The following CSTPP1 variants were observed in gnomAD, a reference collection of about 807,000 sequenced individuals.
The protein encoded by CSTPP1 is UPF0705 protein C11orf49.
At chr11:47,097,493 G>A in the CSTPP1 span, among the ~76,000 whole-genome samples, 4 of 47,804 alleles carry the variant, frequency 8.4e-5, no homozygotes, top group African/African-American at 3.1e-4. Flanking sequence ...CGCCCCGTCC[G>A]GGAGGTGAGG....
At chr11:47,031,944 A>G in the CSTPP1 span, among the ~76,000 whole-genome samples, 299 of 152,288 alleles carry the variant, frequency 2.0e-3, no homozygotes, top group African/African-American at 7.0e-3. Flanking sequence ...AGCATCCAGC[A>G]TGGGAGAAAG....
chr11:47,001,263 C>G, the CSTPP1 span, among the ~76,000 whole-genome samples: 260 of 152,318 alleles, frequency 1.7e-3, 1 homozygote, highest in African/African-American at 5.8e-3. Flanking sequence ...CTCCCTCATG[C>G]TCTGCTCCTA....
At chr11:47,109,349 A>T in the CSTPP1 span, 1 of 152,012 alleles carries the variant, frequency 6.6e-6, no homozygotes. Flanking sequence ...TCACATCAGT[A>T]ACTTGGATTC....
the CSTPP1 span, among the ~76,000 whole-genome samples, chr11:47,132,968 C>T: frequency 6.6e-6 from 1 of 152,160 alleles, no homozygotes; most frequent in East Asian, 1.9e-4. Context: ...AACAGATGGC[C>T]CTTACGATGG....
At chr11:46,976,390 C>T in the CSTPP1 span, among the ~76,000 whole-genome samples, 1 of 31,556 alleles carries the variant, frequency 3.2e-5, no homozygotes, top group African/African-American at 1.1e-4. Flanking sequence ...AGCTAGGTTT[C>T]AGTCACACAC....
At chr11:47,122,090 AAATATATATATATAT>A in the CSTPP1 span, among the ~76,000 whole-genome samples, 2 of 91,256 alleles carry the variant, frequency 2.2e-5, no homozygotes, top group Non-Finnish European at 4.5e-5. Context: ...AAAAAAAAAA[AAATATATATATATAT>A]ATATATATAT....
At chr11:47,000,034 G>A in the CSTPP1 span, among the ~76,000 whole-genome samples, 1 of 152,132 alleles carries the variant, frequency 6.6e-6, no homozygotes, top group Non-Finnish European at 1.5e-5. Flanking sequence ...CTTGAAAGAC[G>A]GATACTAAAT....
chr11:47,099,133 A>G, the CSTPP1 span, among the ~76,000 whole-genome samples: 1 of 152,208 alleles, frequency 6.6e-6, no homozygotes, highest in African/African-American at 2.4e-5. Context: ...CCTGGATTCT[A>G]TAACCCTCTC....
the CSTPP1 span, chr11:47,163,974 C>G: frequency 1.7e-6 from 2 of 1,203,924 alleles, no homozygotes; most frequent in Middle Eastern, 2.4e-4. Flanking sequence ...CCACTGAAAC[C>G]CATCCCCAGT....
the CSTPP1 span, among the ~76,000 whole-genome samples, chr11:46,958,734 T>G: frequency 5.3e-5 from 7 of 130,998 alleles, no homozygotes; most frequent in Admixed American, 5.9e-4. Flanking sequence ...AGTGGTGTAG[T>G]TCCGTCTGAG....
chr11:46,943,053 T>A, the CSTPP1 span, among the ~76,000 whole-genome samples: 1 of 152,222 alleles, frequency 6.6e-6, no homozygotes, highest in Non-Finnish European at 1.5e-5. Flanking sequence ...GTCAACCTTC[T>A]ATCATTGTCT....
At chr11:46,963,818 T>C in the CSTPP1 span, among the ~76,000 whole-genome samples, 3 of 151,202 alleles carry the variant, frequency 2.0e-5, no homozygotes, top group African/African-American at 7.3e-5. Flanking sequence ...GAAACTAATG[T>C]AGTTTGTTTG....
At chr11:47,142,682 G>A in the CSTPP1 span, among the ~76,000 whole-genome samples, 2 of 152,070 alleles carry the variant, frequency 1.3e-5, no homozygotes, top group Admixed American at 6.6e-5. Flanking sequence ...TTAGCCCCCC[G>A]CAGCCACAGC....
At chr11:47,135,466 T>C in the CSTPP1 span, among the ~76,000 whole-genome samples, 1 of 152,208 alleles carries the variant, frequency 6.6e-6, no homozygotes, top group Non-Finnish European at 1.5e-5. Context: ...ATCAGTGTTC[T>C]GATTTTGAAA....
the CSTPP1 span, chr11:47,041,666 G>T: frequency 2.2e-6 from 1 of 456,094 alleles, no homozygotes. Flanking sequence ...TCACTGGGCA[G>T]CTATGCTGCA....
the CSTPP1 span, chr11:47,160,854 C>G: frequency 1.2e-5 from 6 of 489,820 alleles, no homozygotes; most frequent in Non-Finnish European, 1.1e-5. Context: ...ACAACCACCA[C>G]CTGGTGTTGG....
the CSTPP1 span, among the ~76,000 whole-genome samples, chr11:47,107,856 C>G: frequency 1.4e-5 from 1 of 69,072 alleles, no homozygotes; most frequent in Admixed American, 1.6e-4. Context: ...CGGTACAATT[C>G]CCCCCCAGTT....
At chr11:47,143,169 T>A in the CSTPP1 span, among the ~76,000 whole-genome samples, 1 of 152,212 alleles carries the variant, frequency 6.6e-6, no homozygotes, top group Non-Finnish European at 1.5e-5. Flanking sequence ...CTGGTGCATA[T>A]GTAGAAAAAT....
chr11:46,968,880 C>G, the CSTPP1 span, among the ~76,000 whole-genome samples: 1 of 151,964 alleles, frequency 6.6e-6, no homozygotes, highest in Non-Finnish European at 1.5e-5. Flanking sequence ...GCCTGGGCAA[C>G]AGAGTGAGAT....
Sources: allele counts gnomAD v4.1 joint callset (sites outside exome capture counted in the v4.1 genomes callset), GRCh38; gene constraint gnomAD v4.1.1; transcripts MANE v1.5; gene names NCBI Gene and HGNC (gene_info 2026-07-23, HGNC 2026-07-21).